The following BCL11A variants were observed in gnomAD, a reference collection of about 807,000 sequenced individuals.
BCL11A encodes B cell CLL/lymphoma 11A.
BCL11A carries 2 observed loss-of-function variants against 55.9 expected under a neutral mutation model. The ratio of observed to expected loss-of-function variants is 0.04; its 90% CI spans 0.01 to 0.11. BCL11A has a LOEUF of 0.11. Among genes scored for constraint, BCL11A ranks in the 10% least tolerant of loss-of-function variants. The pLI, the probability that BCL11A is intolerant of heterozygous loss-of-function variation, is 1.00. For missense variants in BCL11A, 817 were observed against 1,137.1 expected (o/e 0.72, Z 4.05); for synonymous variants, 465 against 473.4 (o/e 0.98, Z 0.23).
Position 60,460,518 on chromosome 2 carries a change from G to C in BCL11A, c.2394C>G (p.Asp798Glu), listed in dbSNP as rs1169172988. 1 of 1,613,940 alleles carries C rather than the reference G, an allele frequency of 6.2e-7. No individual in the cohort carries two copies. The highest frequency in any genetic ancestry group is 8.5e-7 in the Non-Finnish European group (1 of 1,180,030). ...TCTTACAAATTTCACATTTGTAAAC[G>C]TCCTTCCCCACCTGGCCATGCGTTT... Reference protein sequence around the residue: ...HMKTHGQVGKDVYKCEICKMP... With the variant: ...HMKTHGQVGKEVYKCEICKMP... The change falls in exon 4 of 4, where the codon GAC (aspartate) becomes GAG (glutamate). Residue 798 changes from aspartate to glutamate, a missense_variant. Transcript: ENST00000642384.
intron 2 of BCL11A, among the ~76,000 whole-genome samples, chr2:60,495,973 AC>A (rs45606437): frequency 0.29 from 44,400 of 152,052 alleles, 6,832 homozygotes; most frequent in African/African-American, 0.34. Context: ...ATTTTTTAAA[AC>A]ACCTAAGAAA....
At chr2:60,496,993 T>A (rs1678986699) in intron 2 of BCL11A, among the ~76,000 whole-genome samples, 2 of 152,222 alleles carry the variant, frequency 1.3e-5, no homozygotes, top group Admixed American at 1.3e-4. Context: ...TCACGATAAA[T>A]CTGGATTCCA....
At chr2:60,526,406 G>A (rs1467034408) in intron 2 of BCL11A, 2 of 152,128 alleles carry the variant, frequency 1.3e-5, no homozygotes, top group African/African-American at 4.8e-5. Flanking sequence ...TTACCATTTG[G>A]GAAGTGTACA....
intron 2 of BCL11A, chr2:60,483,904 C>G (rs1678113408): frequency 6.6e-6 from 1 of 151,118 alleles, no homozygotes; most frequent in Non-Finnish European, 1.5e-5. Context: ...TTTTTTTCCC[C>G]CTTTGAAACT....
chr2:60,521,901 G>T (rs1669013755), intron 2 of BCL11A, among the ~76,000 whole-genome samples: 2 of 152,188 alleles, frequency 1.3e-5, no homozygotes, highest in Non-Finnish European at 2.9e-5. Context: ...AGGGATCTCT[G>T]TTCTTCCAGG....
chr2:60,457,192 T>A (rs1189470313), downstream of BCL11A: 4 of 972,742 alleles, frequency 4.1e-6, no homozygotes, highest in Non-Finnish European at 4.9e-6. Flanking sequence ...AAGCTTACAA[T>A]GTGTACTTTA....
intron 2 of BCL11A, among the ~76,000 whole-genome samples, chr2:60,477,723 G>A (rs1428438830): frequency 6.6e-6 from 1 of 152,188 alleles, no homozygotes; most frequent in Non-Finnish European, 1.5e-5. Flanking sequence ...AGGGAGTGGG[G>A]AGCCATGGTC....
At chr2:60,470,379 G>A (rs1677132637) in intron 2 of BCL11A, among the ~76,000 whole-genome samples, 1 of 152,116 alleles carries the variant, frequency 6.6e-6, no homozygotes, top group South Asian at 2.1e-4. Flanking sequence ...ATTTTGTCAT[G>A]GTATTTTTCA....
intron 3 of BCL11A, among the ~76,000 whole-genome samples, chr2:60,465,264 C>T (rs1461191797): frequency 6.6e-6 from 1 of 152,210 alleles, no homozygotes; most frequent in Admixed American, 6.5e-5. Context: ...TTTAGAAAGA[C>T]TGGAATTGAT....
At chr2:60,531,161 G>GA (rs534951911) in intron 2 of BCL11A, among the ~76,000 whole-genome samples, 190 of 137,064 alleles carry the variant, frequency 1.4e-3, no homozygotes, top group Admixed American at 2.3e-3. Context: ...AGAAATTAGA[G>GA]AAAAAAAAAA....
intron 2 of BCL11A, among the ~76,000 whole-genome samples, chr2:60,511,464 C>A (rs1573034036): frequency 6.6e-6 from 1 of 152,342 alleles, no homozygotes; most frequent in East Asian, 1.9e-4. Context: ...TTCATGCAGA[C>A]ATAAAGTGCT....
At chr2:60,486,543 T>G (rs948596019) in intron 2 of BCL11A, among the ~76,000 whole-genome samples, 4 of 152,170 alleles carry the variant, frequency 2.6e-5, no homozygotes, top group African/African-American at 9.7e-5. Flanking sequence ...AGAAAAGCCT[T>G]GAAATTTTCC....
chr2:60,457,428 G>C lies in BCL11A; in HGVS notation c.*2976C>G. On this transcript the variant is annotated 3_prime_UTR_variant, in exon 4 of 4. Coordinates refer to ENST00000642384, the MANE Select transcript of BCL11A (RefSeq NM_022893.4). ...AAATTAAGTGCCTCTGTTTTGAACA[G>C]GGCACATAAGCAATAATAAATAGTG... 9.7e-6 allele frequency: 10 copies of C among 1,032,766 alleles called. No individual in the cohort carries two copies. The highest frequency in any genetic ancestry group is 1.2e-5 in the Non-Finnish European group (10 of 856,564). 64.0% of individuals were successfully genotyped at this position (1,032,766 alleles called of 1,614,324 possible).
At chr2:60,467,987 GTGGTAA>G (rs1676939913) in intron 3 of BCL11A, among the ~76,000 whole-genome samples, 1 of 116,420 alleles carries the variant, frequency 8.6e-6, no homozygotes, top group Non-Finnish European at 2.0e-5. Context: ...AGTGATGGTG[GTGGTAA>G]TGGTGGTGGT....
At chr2:60,530,331 T>TA (rs1417468085) in intron 2 of BCL11A, among the ~76,000 whole-genome samples, 68 of 80,366 alleles carry the variant, frequency 8.5e-4, no homozygotes, top group African/African-American at 2.1e-3. Context: ...CTTCAGCCAT[T>TA]TAAAAAAAAA....
chr2:60,467,708 G>A (rs1397790405), intron 3 of BCL11A, among the ~76,000 whole-genome samples: 3 of 98,746 alleles, frequency 3.0e-5, no homozygotes, highest in South Asian at 6.9e-4. Context: ...GATGGTACTG[G>A]TGGTGATGGT....
intron 2 of BCL11A, among the ~76,000 whole-genome samples, chr2:60,485,122 T>C (rs1572991750): frequency 6.6e-6 from 1 of 152,354 alleles, no homozygotes; most frequent in East Asian, 1.9e-4. Context: ...AAGTTGACCT[T>C]TTCACCAGGC....
exon 5 of BCL11A, chr2:60,451,723 G>A (rs532482777): frequency 6.1e-5 from 14 of 229,806 alleles, no homozygotes; most frequent in East Asian, 2.5e-4. Context: ...AGGATTTACC[G>A]CTCGCCCAGT....
intron 2 of BCL11A, among the ~76,000 whole-genome samples, chr2:60,491,388 C>A (rs1678620911): frequency 6.6e-6 from 1 of 152,082 alleles, no homozygotes; most frequent in South Asian, 2.1e-4. Context: ...TTGAAATGCT[C>A]CCGGCCAGGC....
Sources: allele counts gnomAD v4.1 joint callset (sites outside exome capture counted in the v4.1 genomes callset), GRCh38; gene constraint gnomAD v4.1.1; transcripts MANE v1.5; gene names NCBI Gene and HGNC (gene_info 2026-07-23, HGNC 2026-07-21).